Variants in NUP93 observed in about 807,000 individuals in gnomAD.
The protein encoded by NUP93 is nuclear pore complex protein Nup93.
A neutral mutation model predicts 107.8 loss-of-function variants in NUP93; 55 were observed. The observed-to-expected ratio is 0.51, with a 90% CI of 0.41 to 0.64. The LOEUF (loss-of-function observed/expected upper bound fraction) is 0.64. Ranked by LOEUF, NUP93 falls within the 30% of genes least tolerant of loss-of-function variation. The pLI is 0.00. For missense variants in NUP93, 937 were observed against 1,044.7 expected, an observed-to-expected ratio of 0.90 and a Z score of 1.42; for synonymous variants, 390 against 397.5, an observed-to-expected ratio of 0.98 and a Z score of 0.22.
At chr16:56,740,359 G>C (rs572779245) in intron 1 of NUP93, among the ~76,000 whole-genome samples, 406 of 112,736 alleles carry the variant, frequency 3.6e-3, no homozygotes, top group African/African-American at 0.012. Context: ...GGTCTCGGCC[G>C]GGCAGAGGCG....
intron 6 of NUP93, among the ~76,000 whole-genome samples, chr16:56,819,958 C>G (rs1963509814): frequency 6.6e-6 from 1 of 152,174 alleles, no homozygotes; most frequent in African/African-American, 2.4e-5. Flanking sequence ...TCCTCCTGCT[C>G]CAATTTTATA....
intron 3 of NUP93, among the ~76,000 whole-genome samples, chr16:56,794,049 C>T (rs1230070517): frequency 6.7e-6 from 1 of 149,468 alleles, no homozygotes; most frequent in Non-Finnish European, 1.5e-5. Flanking sequence ...AGCGAGACTC[C>T]ATCTCTAGAT....
At chr16:56,842,598 G>A (rs1428931349) in intron 21 of NUP93, 5 of 451,018 alleles carry the variant, frequency 1.1e-5, no homozygotes, top group East Asian at 7.0e-5. Context: ...TGTTGCCCAG[G>A]CTGGAATGCA....
chr16:56,782,288 C>A, intron 3 of NUP93: 1 of 848,416 alleles, frequency 1.2e-6, no homozygotes, highest in Non-Finnish European at 1.4e-6. Context: ...CATGTTGTTG[C>A]AGTGCCTCTG....
At chr16:56,730,616 G>T (rs770345324) in intron 1 of NUP93, among the ~76,000 whole-genome samples, 1 of 152,066 alleles carries the variant, frequency 6.6e-6, no homozygotes, top group East Asian at 1.9e-4. Flanking sequence ...CCTACCCCTC[G>T]TGGACACACC....
At chr16:56,808,123 ACT>A (rs1963188933) in intron 5 of NUP93, among the ~76,000 whole-genome samples, 1 of 126,266 alleles carries the variant, frequency 7.9e-6, no homozygotes, top group African/African-American at 3.0e-5. Context: ...ATATTATATA[ACT>A]ATATAAATAT....
At chr16:56,838,876 T>G in intron 18 of NUP93, 76 bp from the exon 19 acceptor site, 1 of 989,616 alleles carries the variant, frequency 1.0e-6, no homozygotes, top group Non-Finnish European at 1.6e-6. Context: ...TTTTTTTAAA[T>G]GCTATTCCAC....
At chr16:56,748,138 A>C (rs1335889305) in intron 1 of NUP93, 96 bp from the exon 2 acceptor site, 1 of 801,228 alleles carries the variant, frequency 1.2e-6, no homozygotes, top group African/African-American at 1.7e-5. Context: ...GTTTACAAAA[A>C]GTTCTGCTGT....
chr16:56,783,572 G>C, intron 3 of NUP93: 1 of 985,376 alleles, frequency 1.0e-6, no homozygotes, highest in Admixed American at 6.1e-5. Flanking sequence ...TCCACGCCTT[G>C]GTACAGTTGC....
chr16:56,805,672 C>T (rs1226105894), intron 5 of NUP93, 40 bp downstream of exon 5: 1 of 1,587,634 alleles, frequency 6.3e-7, no homozygotes, highest in Admixed American at 1.7e-5. Flanking sequence ...TTAATAAAAA[C>T]ATGAAGTCAA....
intron 2 of NUP93, among the ~76,000 whole-genome samples, chr16:56,756,091 G>T (rs1962013394): frequency 6.6e-6 from 1 of 151,838 alleles, no homozygotes; most frequent in Admixed American, 6.6e-5. Context: ...TGATTCTAAT[G>T]TGCAGCCAGG....
At chr16:56,770,346 A>ATCATTGGT (rs879721838) in intron 3 of NUP93, among the ~76,000 whole-genome samples, 2 of 152,218 alleles carry the variant, frequency 1.3e-5, no homozygotes, top group Non-Finnish European at 2.9e-5. Context: ...ATCATTGGTC[A>ATCATTGGT]CAAAAAACTT....
At chr16:56,843,186 G>A (rs558958074) in intron 21 of NUP93, among the ~76,000 whole-genome samples, 2 of 152,372 alleles carry the variant, frequency 1.3e-5, no homozygotes, top group African/African-American at 4.8e-5. Context: ...ACAGATAGGA[G>A]TCTAAATGTC....
intron 8 of NUP93, among the ~76,000 whole-genome samples, chr16:56,828,315 G>T (rs1320600023): frequency 6.6e-6 from 1 of 151,942 alleles, no homozygotes; most frequent in East Asian, 1.9e-4. Context: ...TGAGATTCTG[G>T]ATTTAAAAAC....
chr16:56,811,886 G>A (rs1481700662), intron 5 of NUP93, among the ~76,000 whole-genome samples: 3 of 152,158 alleles, frequency 2.0e-5, no homozygotes, highest in African/African-American at 7.2e-5. Context: ...TTCTTTGTGC[G>A]ATTGTTGGTA....
chr16:56,803,612 T>C (rs548283416), intron 4 of NUP93, among the ~76,000 whole-genome samples: 22 of 152,184 alleles, frequency 1.4e-4, no homozygotes, highest in African/African-American at 5.3e-4. Flanking sequence ...TTCAGAGCTT[T>C]TATAAAGATG....
At chr16:56,758,882 A>T (rs1441886459) in intron 3 of NUP93, among the ~76,000 whole-genome samples, 1 of 152,210 alleles carries the variant, frequency 6.6e-6, no homozygotes. Flanking sequence ...TCCAACCTGC[A>T]CTTTTTAGAT....
intron 1 of NUP93, among the ~76,000 whole-genome samples, chr16:56,745,282 A>G (rs570368462): frequency 3.2e-4 from 48 of 152,326 alleles, no homozygotes; most frequent in African/African-American, 1.0e-3. Flanking sequence ...GGGACCAGCA[A>G]AGAGGCCCCA....
At chr16:56,745,233 G>A (rs906310324) in intron 1 of NUP93, among the ~76,000 whole-genome samples, 1 of 152,140 alleles carries the variant, frequency 6.6e-6, no homozygotes, top group African/African-American at 2.4e-5. Context: ...GAAACACGGA[G>A]TGCAAAGGCT....
Sources: gnomAD v4.1 joint callset for allele counts (sites outside exome capture counted in the v4.1 genomes callset) on GRCh38, gnomAD v4.1.1 for gene constraint, MANE v1.5 for transcripts, NCBI Gene and HGNC (gene_info 2026-07-23, HGNC 2026-07-21) for gene names.